CDH4: variants seen among roughly 807,000 people sequenced by gnomAD.
CDH4 encodes the protein cadherin 4.
In CDH4, 33 loss-of-function variants were observed where a neutral mutation model predicts 86.0. That is an observed-to-expected ratio of 0.38 (90% confidence interval 0.29 to 0.51). CDH4 has a LOEUF of 0.51. Among genes scored for constraint, CDH4 ranks in the 20% least tolerant of loss-of-function variants. CDH4 has a pLI of 0.86. For missense variants in CDH4, 1,114 were observed against 1,307.4 expected (o/e 0.85, Z 2.28); for synonymous variants, 555 against 549.4 (o/e 1.01, Z -0.14).
chr20:61,835,620 C>T (rs1048031191), intron 4 of CDH4, among the ~76,000 whole-genome samples: 1 of 152,236 alleles, frequency 6.6e-6, no homozygotes, highest in African/African-American at 2.4e-5. Context: ...AGTTCATACA[C>T]CAGGGCTTCC....
intron 4 of CDH4, among the ~76,000 whole-genome samples, chr20:61,793,226 A>G (rs1179770413): frequency 6.6e-6 from 1 of 152,076 alleles, no homozygotes; most frequent in Non-Finnish European, 1.5e-5. Context: ...TGGCCTCCCA[A>G]AGTGCTGGGA....
chr20:61,906,450 G>T (rs1382505449), intron 8 of CDH4, among the ~76,000 whole-genome samples: 1 of 152,272 alleles, frequency 6.6e-6, no homozygotes, highest in Non-Finnish European at 1.5e-5. Context: ...GGAGCGGCAT[G>T]GTCCTGCTCA....
chr20:61,652,846 A>G (rs1397318028), intron 2 of CDH4, among the ~76,000 whole-genome samples: 1 of 63,288 alleles, frequency 1.6e-5, no homozygotes, highest in Non-Finnish European at 4.0e-5. Flanking sequence ...AGAAAAATCA[A>G]GAATTTTTTT....
intron 2 of CDH4, among the ~76,000 whole-genome samples, chr20:61,614,756 T>A (rs1299800758): frequency 1.3e-5 from 2 of 152,006 alleles, no homozygotes; most frequent in Non-Finnish European, 2.9e-5. Context: ...CTAAACCCAT[T>A]TCTCAAAATT....
chr20:61,917,772 G>C (rs879691558), intron 9 of CDH4, among the ~76,000 whole-genome samples: 16 of 152,270 alleles, frequency 1.1e-4, no homozygotes, highest in Non-Finnish European at 2.4e-4. Flanking sequence ...AGTATATCCA[G>C]CCACCCTAAT....
chr20:61,281,167 C>T (rs1475717278), intron 2 of CDH4, among the ~76,000 whole-genome samples: 2 of 152,160 alleles, frequency 1.3e-5, no homozygotes, highest in Non-Finnish European at 2.9e-5. Flanking sequence ...GGCTTATGGC[C>T]TGGGAGGCTC....
chr20:61,533,161 G>T (rs570006681), intron 2 of CDH4, among the ~76,000 whole-genome samples: 8 of 152,290 alleles, frequency 5.3e-5, no homozygotes, highest in Admixed American at 1.3e-4. Flanking sequence ...TGGGTTGGGG[G>T]TGACTCAGGC....
At chr20:61,355,308 G>A (rs903063709) in intron 2 of CDH4, among the ~76,000 whole-genome samples, 4 of 152,198 alleles carry the variant, frequency 2.6e-5, no homozygotes. Context: ...GCCTCTGCTG[G>A]CACAAAACTG....
chr20:61,889,894 A>C (rs1381344231), intron 7 of CDH4, among the ~76,000 whole-genome samples: 1 of 146,510 alleles, frequency 6.8e-6, no homozygotes. Context: ...GAGTGAATGG[A>C]TGGATGGATA....
chr20:61,648,757 A>G (rs2087091428), intron 2 of CDH4, among the ~76,000 whole-genome samples: 1 of 152,160 alleles, frequency 6.6e-6, no homozygotes, highest in Non-Finnish European at 1.5e-5. Context: ...CAGTATTTGC[A>G]TGTGTTACGG....
chr20:61,550,051 C>T (rs2086116553), intron 2 of CDH4, among the ~76,000 whole-genome samples: 1 of 151,798 alleles, frequency 6.6e-6, no homozygotes, highest in Non-Finnish European at 1.5e-5. Context: ...CCTCCCTGCC[C>T]CAACCTCCCT....
chr20:61,851,423 C>A (rs1311793113), intron 5 of CDH4, among the ~76,000 whole-genome samples: 3 of 152,198 alleles, frequency 2.0e-5, no homozygotes, highest in Non-Finnish European at 2.9e-5. Flanking sequence ...GAATTCAGGG[C>A]CCCCCTGATC....
At chr20:61,889,849 TAATG>T (rs1176448069) in intron 7 of CDH4, among the ~76,000 whole-genome samples, 42 of 145,698 alleles carry the variant, frequency 2.9e-4, no homozygotes, top group South Asian at 1.1e-3. Context: ...GATGGATAGA[TAATG>T]GATGGATGGA....
Position 61,794,402 on chromosome 20 carries a change from C to T in CDH4, c.576+21220C>T, listed in dbSNP as rs530609011. On this transcript the variant is annotated intron_variant, in intron 4 of 15. Transcript: ENST00000614565. ...TGGGAACCCGTCGTTCCCCCACTTCCGCCACTGTGTTGAGGTCCTGGGGTG... is the reference window on the plus strand; with the variant it reads ...TGGGAACCCGTCGTTCCCCCACTTCTGCCACTGTGTTGAGGTCCTGGGGTG... Among the ~76,000 whole-genome samples the T allele has an allele frequency of 5.3e-5, 8 of 152,270 alleles. No individual in the cohort carries two copies. The South Asian group carries it at 1.0e-3, about 20-fold the overall frequency.
At chr20:61,361,893 CCT>C (rs2084785298) in intron 2 of CDH4, among the ~76,000 whole-genome samples, 1 of 152,210 alleles carries the variant, frequency 6.6e-6, no homozygotes, top group Non-Finnish European at 1.5e-5. Context: ...GGATCAGCTT[CCT>C]CTCATGCCCC....
intron 2 of CDH4, among the ~76,000 whole-genome samples, chr20:61,317,475 AT>A (rs987044499): frequency 8.5e-5 from 13 of 152,118 alleles, no homozygotes; most frequent in African/African-American, 2.9e-4. Flanking sequence ...ACCTGATTGG[AT>A]GGGGAGGTCT....
intron 9 of CDH4, among the ~76,000 whole-genome samples, chr20:61,918,708 T>G (rs1446152601): frequency 1.3e-5 from 2 of 151,988 alleles, no homozygotes; most frequent in Non-Finnish European, 2.9e-5. Context: ...AGCGTGGTAT[T>G]GCAGTGACTG....
At chr20:61,291,738 A>G (rs1210825005) in intron 2 of CDH4, among the ~76,000 whole-genome samples, 1 of 152,082 alleles carries the variant, frequency 6.6e-6, no homozygotes, top group Non-Finnish European at 1.5e-5. Flanking sequence ...GGTTTCCATT[A>G]TCTTTTTTTT....
At position 61,422,141 on chromosome 20, in the gene CDH4, A is replaced by G. The variant is rs75144868; in HGVS notation, c.169+167204A>G. On this transcript the variant is annotated intron_variant, in intron 2 of 15. Transcript: ENST00000614565. ...TCCACTGCATTGTCATTAAAGACAA[A>G]TCTCACTGGGCACGGTGGCTCACGC... is the stretch of plus-strand genomic sequence containing the variant. 3.1e-3 allele frequency among the ~76,000 whole-genome samples: 474 copies of G among 152,246 alleles called. 16 individuals are homozygous for G. The East Asian group carries it at 0.081, about 26-fold the overall frequency.
Sources: gnomAD v4.1 joint callset for allele counts (sites outside exome capture counted in the v4.1 genomes callset) on GRCh38, gnomAD v4.1.1 for gene constraint, MANE v1.5 for transcripts, NCBI Gene and HGNC (gene_info 2026-07-23, HGNC 2026-07-21) for gene names.